RARB: variants seen among roughly 807,000 people sequenced by gnomAD.
RARB encodes the protein retinoic acid receptor beta.
A neutral mutation model predicts 51.9 loss-of-function variants in RARB; 17 were observed. The observed-to-expected ratio is 0.33, with a 90% CI of 0.22 to 0.49. The LOEUF is 0.49. Ranked by LOEUF, RARB falls within the 20% of genes least tolerant of loss-of-function variation. The pLI, the probability that RARB is intolerant of heterozygous loss-of-function variation, is 0.99. For missense variants in RARB, 369 were observed against 550.8 expected (o/e 0.67, Z 3.30); for synonymous variants, 215 against 195.4 (o/e 1.10, Z -0.84).
intron 5 of RARB, among the ~76,000 whole-genome samples, chr3:25,229,076 C>G (rs79879458): frequency 0.023 from 3,522 of 152,194 alleles, 72 homozygotes; most frequent in Middle Eastern, 0.061. Context: ...TCTTTCAAGA[C>G]CTGCTAACTT....
chr3:25,541,239 G>A (rs1699368093), intron 3 of RARB, among the ~76,000 whole-genome samples: 1 of 152,140 alleles, frequency 6.6e-6, no homozygotes, highest in Non-Finnish European at 1.5e-5. Context: ...TAGTGGCCCT[G>A]AATCCCTCCT....
At chr3:25,012,094 CTTCAT>C (rs1480171948) in intron 2 of RARB, among the ~76,000 whole-genome samples, 1 of 151,994 alleles carries the variant, frequency 6.6e-6, no homozygotes, top group Non-Finnish European at 1.5e-5. Context: ...AGTAATTAAG[CTTCAT>C]TTCATTTCAG....
chr3:25,168,778 A>T (rs1252346432), intron 4 of RARB, among the ~76,000 whole-genome samples: 1 of 152,194 alleles, frequency 6.6e-6, no homozygotes, highest in Admixed American at 6.5e-5. Context: ...TCTAAATAAG[A>T]TTTCCAAATG....
At chr3:25,401,721 A>G (rs1707268544) in intron 5 of RARB, among the ~76,000 whole-genome samples, 2 of 152,224 alleles carry the variant, frequency 1.3e-5, no homozygotes, top group Admixed American at 6.5e-5. Context: ...ACGGAAGCAC[A>G]AACAGATAAA....
At chr3:25,386,314 G>A (rs1231162934) in intron 5 of RARB, among the ~76,000 whole-genome samples, 2 of 152,144 alleles carry the variant, frequency 1.3e-5, no homozygotes, top group African/African-American at 4.8e-5. Context: ...GTGGAGAGGG[G>A]TGGGTCACGC....
intron 5 of RARB, among the ~76,000 whole-genome samples, chr3:25,185,210 C>T (rs182240718): frequency 5.9e-5 from 9 of 152,114 alleles, no homozygotes; most frequent in African/African-American, 1.4e-4. Context: ...TTAGAAAAGA[C>T]ATTTTTTCAT....
At chr3:24,917,608 G>A (rs1342928338) in intron 2 of RARB, among the ~76,000 whole-genome samples, 1 of 152,190 alleles carries the variant, frequency 6.6e-6, no homozygotes, top group Admixed American at 6.5e-5. Context: ...TCTGCTCACT[G>A]CAACCTCTGC....
At chr3:25,088,314 G>T (rs2125315811) in intron 3 of RARB, among the ~76,000 whole-genome samples, 1 of 152,254 alleles carries the variant, frequency 6.6e-6, no homozygotes, top group Admixed American at 6.5e-5. Flanking sequence ...GATATTGACA[G>T]TGGCTTTCCC....
At chr3:25,061,729 A>G (rs546788078) in intron 3 of RARB, among the ~76,000 whole-genome samples, 1 of 151,854 alleles carries the variant, frequency 6.6e-6, no homozygotes, top group Non-Finnish European at 1.5e-5. Flanking sequence ...TTGGAGAGAA[A>G]GGTGTTTTAT....
chr3:24,928,103 A>C (rs1030771247), intron 2 of RARB, among the ~76,000 whole-genome samples: 12 of 152,030 alleles, frequency 7.9e-5, no homozygotes, highest in Non-Finnish European at 1.2e-4. Context: ...ATCAATTCAC[A>C]AAAGCAAAAT....
At chr3:24,879,539 T>G (rs1435152508) in intron 2 of RARB, among the ~76,000 whole-genome samples, 1 of 150,314 alleles carries the variant, frequency 6.7e-6, no homozygotes, top group Non-Finnish European at 1.5e-5. Context: ...AGAATCACTT[T>G]AAAGCTGGGT....
chr3:25,499,910 C>G (rs1697212394), intron 2 of RARB, among the ~76,000 whole-genome samples: 1 of 152,234 alleles, frequency 6.6e-6, no homozygotes, highest in South Asian at 2.1e-4. Context: ...TGTTTTGCAC[C>G]TACACTAGAC....
At chr3:25,322,714 C>A (rs967266219) in intron 5 of RARB, among the ~76,000 whole-genome samples, 1 of 152,018 alleles carries the variant, frequency 6.6e-6, no homozygotes, top group Non-Finnish European at 1.5e-5. Context: ...GCCCATAATT[C>A]AATGGTTCTT....
At chr3:24,844,777 C>T (rs1014068901) in intron 1 of RARB, among the ~76,000 whole-genome samples, 8 of 152,168 alleles carry the variant, frequency 5.3e-5, no homozygotes, top group African/African-American at 1.4e-4. Flanking sequence ...TGGACCCCTG[C>T]GATCTGGAAC....
At chr3:25,054,719 G>A (rs935892987) in intron 2 of RARB, among the ~76,000 whole-genome samples, 1 of 145,706 alleles carries the variant, frequency 6.9e-6, no homozygotes, top group African/African-American at 2.5e-5. Context: ...AAACTGTGGA[G>A]CACAAACTGT....
intron 3 of RARB, among the ~76,000 whole-genome samples, chr3:25,533,968 C>G (rs1699030586): frequency 6.6e-6 from 1 of 152,170 alleles, no homozygotes; most frequent in African/African-American, 2.4e-5. Flanking sequence ...GGGGGCTTCT[C>G]AGAGTTCTTC....
intron 5 of RARB, among the ~76,000 whole-genome samples, chr3:25,232,068 A>G (rs962542132): frequency 2.4e-4 from 37 of 152,288 alleles, no homozygotes; most frequent in African/African-American, 8.9e-4. Flanking sequence ...ATTTGCATAT[A>G]GATATCAAAT....
At chr3:25,101,225 A>C (rs1399129628) in intron 3 of RARB, among the ~76,000 whole-genome samples, 4 of 152,192 alleles carry the variant, frequency 2.6e-5, no homozygotes, top group Non-Finnish European at 5.9e-5. Flanking sequence ...AGTCTCAGAA[A>C]AGATGCTTGA....
intron 3 of RARB, among the ~76,000 whole-genome samples, chr3:25,107,839 G>T (rs764769131): frequency 6.6e-6 from 1 of 152,102 alleles, no homozygotes; most frequent in Non-Finnish European, 1.5e-5. Flanking sequence ...TAAAATACTT[G>T]TTCTTACTGT....
Sources: allele counts gnomAD v4.1 joint callset (sites outside exome capture counted in the v4.1 genomes callset), GRCh38; gene constraint gnomAD v4.1.1; transcripts MANE v1.5; gene names NCBI Gene and HGNC (gene_info 2026-07-23, HGNC 2026-07-21).